ITSN2: variants seen among roughly 807,000 people sequenced by gnomAD.
The protein encoded by ITSN2 is intersectin-2.
In ITSN2, 156 loss-of-function variants were observed where a neutral mutation model predicts 243.7. The ratio of observed to expected loss-of-function variants is 0.64; its 90% CI spans 0.56 to 0.73. The LOEUF (loss-of-function observed/expected upper bound fraction) is 0.73. Ranked by LOEUF, ITSN2 falls within the 30% of genes least tolerant of loss-of-function variation. The probability of loss-of-function intolerance (pLI) is 0.00; values close to 1 mark genes in which losing one functional copy is unlikely to be tolerated. For missense variants in ITSN2, 1,801 were observed against 1,996.1 expected, an observed-to-expected ratio of 0.90 and a Z score of 1.86; for synonymous variants, 703 against 699.9, an observed-to-expected ratio of 1.00 and a Z score of -0.07.
At chr2:24,353,081 G>T (rs1010564423) in intron 1 of ITSN2, among the ~76,000 whole-genome samples, 15 of 152,030 alleles carry the variant, frequency 9.9e-5, no homozygotes, top group African/African-American at 3.6e-4. Context: ...AGAATAAGCA[G>T]ATTCTATATC....
chr2:24,237,017 A>T (rs2247172), intron 29 of ITSN2, among the ~76,000 whole-genome samples: 4 of 152,086 alleles, frequency 2.6e-5, no homozygotes, highest in Non-Finnish European at 5.9e-5. Flanking sequence ...TATGAGTAAC[A>T]GTTGTAGTGC....
At chr2:24,230,139 G>A (rs1001181975) in intron 29 of ITSN2, among the ~76,000 whole-genome samples, 7 of 152,192 alleles carry the variant, frequency 4.6e-5, no homozygotes, top group African/African-American at 1.4e-4. Flanking sequence ...GCACATCAAA[G>A]TAACATCAAA....
chr2:24,254,204 G>A (rs1674723783), intron 24 of ITSN2, among the ~76,000 whole-genome samples, 163 bp downstream of exon 24: 2 of 152,108 alleles, frequency 1.3e-5, no homozygotes, highest in South Asian at 2.1e-4. Context: ...CAATATTCAT[G>A]TGAAATAGAT....
At chr2:24,280,309 A>G (rs949717205) in intron 17 of ITSN2, among the ~76,000 whole-genome samples, 1 of 152,146 alleles carries the variant, frequency 6.6e-6, no homozygotes, top group Non-Finnish European at 1.5e-5. Context: ...TCCTGCTCCA[A>G]CACTACCAGG....
At chr2:24,239,380 T>C (rs986722349) in intron 29 of ITSN2, 1 of 152,118 alleles carries the variant, frequency 6.6e-6, no homozygotes, top group Non-Finnish European at 1.5e-5. Context: ...ATCAGTTACA[T>C]TTTTAATAGT....
chr2:24,290,008 G>T (rs1418463480), intron 15 of ITSN2, among the ~76,000 whole-genome samples: 2 of 151,782 alleles, frequency 1.3e-5, no homozygotes, highest in South Asian at 4.1e-4. Context: ...TATTTTTTTT[G>T]AGAGTTTTTA....
intron 29 of ITSN2, among the ~76,000 whole-genome samples, chr2:24,243,786 T>C (rs561794492): frequency 1.3e-5 from 2 of 152,292 alleles, no homozygotes; most frequent in East Asian, 1.9e-4. Flanking sequence ...TGCATTACAA[T>C]TGGTTGTCTT....
At chr2:24,326,489 G>T (rs1207750904) in intron 2 of ITSN2, among the ~76,000 whole-genome samples, 1 of 152,130 alleles carries the variant, frequency 6.6e-6, no homozygotes, top group Admixed American at 6.6e-5. Context: ...CCTTTGTATG[G>T]GGCATAAAAA....
chr2:24,245,609 G>C (rs566669732), intron 29 of ITSN2, among the ~76,000 whole-genome samples: 1 of 152,066 alleles, frequency 6.6e-6, no homozygotes, highest in Non-Finnish European at 1.5e-5. Context: ...CTCCCAAGTA[G>C]CTGAAACTAC....
chr2:24,358,776 C>A (rs569033468), intron 1 of ITSN2, among the ~76,000 whole-genome samples: 234 of 152,296 alleles, frequency 1.5e-3, no homozygotes, highest in Non-Finnish European at 1.8e-3. Context: ...ATCCCCAAAA[C>A]ATGCCTAACA....
intron 8 of ITSN2, among the ~76,000 whole-genome samples, chr2:24,305,371 G>C (rs1558592567): frequency 6.6e-6 from 1 of 152,088 alleles, no homozygotes; most frequent in Non-Finnish European, 1.5e-5. Context: ...GGAGACCAAG[G>C]CGGGCGGATC....
chr2:24,303,956 A>G (rs1193324325), intron 8 of ITSN2, 94 bp from the exon 9 acceptor site: 7 of 881,818 alleles, frequency 7.9e-6, no homozygotes, highest in Non-Finnish European at 1.3e-5. Context: ...CAATGCTACC[A>G]GGGTATCCTG....
chr2:24,297,655 C>T (rs1254980235), intron 13 of ITSN2, among the ~76,000 whole-genome samples: 8 of 152,186 alleles, frequency 5.3e-5, no homozygotes, highest in African/African-American at 1.9e-4. Context: ...GAGAAAATCA[C>T]TGTTCTGCTG....
Position 24,261,110 on chromosome 2 carries a change from C to A in ITSN2, c.2678G>T (p.Gly893Val), listed in dbSNP as rs41281485. ...CAAAAATAACAGACAACATACCTGT[C>A]CATGAATAGGTGATACAGATCCAGG... Reference protein sequence around the residue: ...VSPGSVSPIHGQGQVVENLKA... With the variant: ...VSPGSVSPIHVQGQVVENLKA... The change falls in exon 22 of 40, where the codon GGA (glycine) becomes GTA (valine). Residue 893 changes from glycine to valine, a missense_variant. By Grantham distance (109) the Gly-to-Val change is moderately radical. Transcript: ENST00000355123. 1 of 1,612,454 alleles carries A rather than the reference C, an allele frequency of 6.2e-7. No individual in the cohort carries two copies. Among genetic ancestry groups the A allele is most frequent in the African/African-American group, 1.3e-5 (1 of 74,832 alleles).
chr2:24,217,802 C>T (rs1670107989), intron 31 of ITSN2, 105 bp downstream of exon 31: 1 of 617,906 alleles, frequency 1.6e-6, no homozygotes, highest in African/African-American at 1.8e-5. Flanking sequence ...AAGCAGAAAG[C>T]AGTTGAAGTT....
chr2:24,258,457 G>A (rs1335453966), intron 22 of ITSN2, among the ~76,000 whole-genome samples: 1 of 152,082 alleles, frequency 6.6e-6, no homozygotes, highest in African/African-American at 2.4e-5. Flanking sequence ...ATGTAATTCT[G>A]TTTACTCCAC....
intron 20 of ITSN2, among the ~76,000 whole-genome samples, chr2:24,264,244 A>G (rs1214879118): frequency 1.3e-5 from 2 of 152,070 alleles, no homozygotes; most frequent in Non-Finnish European, 2.9e-5. Flanking sequence ...ATACAAAATT[A>G]GCCAGGCATG....
chr2:24,297,685 G>A (rs1312318737), intron 13 of ITSN2, among the ~76,000 whole-genome samples: 2 of 152,152 alleles, frequency 1.3e-5, no homozygotes, highest in East Asian at 3.9e-4. Flanking sequence ...CCCCTCTCCT[G>A]CCTCTGCTTA....
At chr2:24,230,286 T>G (rs1671454171) in intron 29 of ITSN2, among the ~76,000 whole-genome samples, 1 of 152,200 alleles carries the variant, frequency 6.6e-6, no homozygotes, top group Non-Finnish European at 1.5e-5. Context: ...GGGATCCCTC[T>G]TCACAATACA....
Sources: allele counts gnomAD v4.1 joint callset (sites outside exome capture counted in the v4.1 genomes callset), GRCh38; gene constraint gnomAD v4.1.1; transcripts MANE v1.5; gene names NCBI Gene and HGNC (gene_info 2026-07-23, HGNC 2026-07-21).